MARCHF1: variants seen among roughly 807,000 people sequenced by gnomAD.
The protein encoded by MARCHF1 is membrane associated ring-CH-type finger 1, also known as E3 ubiquitin-protein ligase MARCHF1.
A neutral mutation model predicts 54.2 loss-of-function variants in MARCHF1; 40 were observed. That is an observed-to-expected ratio of 0.74 (90% CI 0.57 to 0.96). MARCHF1 has a LOEUF of 0.96. Among genes scored for constraint, MARCHF1 ranks in the 40% least tolerant of loss-of-function variants. The probability of loss-of-function intolerance (pLI) is 0.00; values close to 1 mark genes in which losing one functional copy is unlikely to be tolerated. For synonymous variants in MARCHF1, 236 were observed against 236.3 expected (o/e 1.00, Z 0.01); for missense variants, 586 against 656.5 (o/e 0.89, Z 1.17).
chr4:163,803,060 TAC>T (rs1748125627), intron 4 of MARCHF1, among the ~76,000 whole-genome samples: 1 of 152,208 alleles, frequency 6.6e-6, no homozygotes, highest in Non-Finnish European at 1.5e-5. Context: ...CTTGCTGAAA[TAC>T]ACTGGTTGGA....
intron 4 of MARCHF1, among the ~76,000 whole-genome samples, chr4:163,841,301 T>C (rs6536754): frequency 0.81 from 122,614 of 151,940 alleles, 50,957 homozygotes; most frequent in South Asian, 0.95. Context: ...CGAATGTAGG[T>C]TCATCAACTA....
intron 5 of MARCHF1, among the ~76,000 whole-genome samples, chr4:163,653,936 AGGAAT>A (rs1743055415): frequency 6.6e-6 from 1 of 151,806 alleles, no homozygotes; most frequent in Non-Finnish European, 1.5e-5. Context: ...ATGATAACCT[AGGAAT>A]TGAGTATAGA....
At chr4:164,251,733 C>G (rs1733134615) in intron 1 of MARCHF1, among the ~76,000 whole-genome samples, 1 of 152,070 alleles carries the variant, frequency 6.6e-6, no homozygotes, top group Non-Finnish European at 1.5e-5. Context: ...ATTAACCCTT[C>G]CAGCAGAATT....
chr4:164,025,328 C>G (rs1464182477), intron 2 of MARCHF1, among the ~76,000 whole-genome samples: 1 of 151,904 alleles, frequency 6.6e-6, no homozygotes. Flanking sequence ...TAAAATGGAC[C>G]AAATGTGGCT....
intron 3 of MARCHF1, among the ~76,000 whole-genome samples, chr4:163,872,660 T>C (rs1750192849): frequency 6.6e-6 from 1 of 152,182 alleles, no homozygotes; most frequent in Admixed American, 6.5e-5. Context: ...TATGTCAGAA[T>C]ACTAGTGTAT....
At chr4:163,559,684 C>T (rs917393903) in intron 8 of MARCHF1, among the ~76,000 whole-genome samples, 2 of 152,180 alleles carry the variant, frequency 1.3e-5, no homozygotes, top group Admixed American at 6.5e-5. Flanking sequence ...TCTATTATTC[C>T]TCACATCAGT....
intron 1 of MARCHF1, among the ~76,000 whole-genome samples, chr4:164,170,316 A>G (rs1730488250): frequency 6.6e-6 from 1 of 152,076 alleles, no homozygotes; most frequent in South Asian, 2.1e-4. Context: ...ACAGGTATTA[A>G]CTGCTTTTAA....
chr4:164,016,170 G>A (rs1441956660), intron 2 of MARCHF1, among the ~76,000 whole-genome samples: 1 of 152,118 alleles, frequency 6.6e-6, no homozygotes, highest in Non-Finnish European at 1.5e-5. Flanking sequence ...AAAGTAAAGA[G>A]GTTTAATTGA....
At chr4:164,088,608 T>C (rs1755238374) in intron 2 of MARCHF1, among the ~76,000 whole-genome samples, 2 of 152,004 alleles carry the variant, frequency 1.3e-5, no homozygotes, top group South Asian at 4.1e-4. Flanking sequence ...CATGGTGGTG[T>C]GTGCTTGTAG....
chr4:163,905,580 A>G (rs1027041857), intron 3 of MARCHF1, among the ~76,000 whole-genome samples: 12 of 152,120 alleles, frequency 7.9e-5, no homozygotes, highest in African/African-American at 2.9e-4. Flanking sequence ...AGGGGAAGGG[A>G]TAGTTCTGCT....
At chr4:163,889,926 C>A (rs13140708) in intron 3 of MARCHF1, among the ~76,000 whole-genome samples, 7 of 50,842 alleles carry the variant, frequency 1.4e-4, no homozygotes, top group East Asian at 1.2e-3. Flanking sequence ...TTTCTTTTTT[C>A]TTTTTTTTTT....
At position 163,880,143 on chromosome 4, in the gene MARCHF1, T is replaced by G. The variant is rs538294017; in HGVS notation, c.-38-25974A>C. The stretch of plus-strand genomic sequence containing the variant: ...TACTTTCAAAAATCCATATTCTTAC[T>G]CTTAAATTTACATACATATGCAGAG... On this transcript the variant is annotated intron_variant, in intron 3 of 9. Transcript: ENST00000514618. 2.0e-5 allele frequency among the ~76,000 whole-genome samples: 3 copies of G among 151,920 alleles called. No homozygotes were observed. The East Asian group carries it at 5.8e-4, about 29-fold the overall frequency.
At chr4:164,135,889 G>A (rs1171950620) in intron 1 of MARCHF1, among the ~76,000 whole-genome samples, 1 of 152,106 alleles carries the variant, frequency 6.6e-6, no homozygotes, top group Non-Finnish European at 1.5e-5. Context: ...GAATGTTCAG[G>A]GGTCCACTTC....
chr4:163,848,572 T>C (rs917805749), intron 4 of MARCHF1, among the ~76,000 whole-genome samples: 9 of 152,222 alleles, frequency 5.9e-5, no homozygotes, highest in African/African-American at 2.2e-4. Flanking sequence ...AAATTTAATA[T>C]TGAAACTCTT....
chr4:164,108,339 TAA>T (rs1560908384), intron 2 of MARCHF1, among the ~76,000 whole-genome samples: 1 of 152,196 alleles, frequency 6.6e-6, no homozygotes, highest in African/African-American at 2.4e-5. Flanking sequence ...GATTTTTTAC[TAA>T]GTTTTACCTG....
intron 1 of MARCHF1, among the ~76,000 whole-genome samples, chr4:164,347,005 T>A (rs1279736134): frequency 6.6e-6 from 1 of 152,164 alleles, no homozygotes; most frequent in African/African-American, 2.4e-5. Context: ...ATTCATTTTA[T>A]CCTGGCATTC....
chr4:163,697,910 A>G (rs1267802878), intron 5 of MARCHF1, among the ~76,000 whole-genome samples: 1 of 152,204 alleles, frequency 6.6e-6, no homozygotes, highest in Non-Finnish European at 1.5e-5. Context: ...CATTGCATAT[A>G]TTATAGACCA....
At chr4:164,341,188 A>G (rs1447536145) in intron 1 of MARCHF1, among the ~76,000 whole-genome samples, 1 of 152,156 alleles carries the variant, frequency 6.6e-6, no homozygotes, top group African/African-American at 2.4e-5. Flanking sequence ...TTTTCATAAT[A>G]CAAACTCAAC....
chr4:164,321,427 A>G (rs1284293944), intron 1 of MARCHF1, among the ~76,000 whole-genome samples: 1 of 152,136 alleles, frequency 6.6e-6, no homozygotes, highest in East Asian at 1.9e-4. Flanking sequence ...TAATGGAGAA[A>G]AGATACAAGG....
Sources: allele counts gnomAD v4.1 joint callset (sites outside exome capture counted in the v4.1 genomes callset), GRCh38; gene constraint gnomAD v4.1.1; transcripts MANE v1.5; gene names NCBI Gene and HGNC (gene_info 2026-07-23, HGNC 2026-07-21).